ATP6V0A2: variants seen among roughly 807,000 people sequenced by gnomAD.
The protein encoded by ATP6V0A2 is V-type proton ATPase 116 kDa subunit a 2.
ATP6V0A2 carries 58 observed loss-of-function variants against 104.4 expected under a neutral mutation model. The ratio of observed to expected loss-of-function variants is 0.56; its 90% CI spans 0.45 to 0.69. The LOEUF is 0.69. Among genes scored for constraint, ATP6V0A2 ranks in the 30% least tolerant of loss-of-function variants. ATP6V0A2 has a pLI of 0.00. For missense variants in ATP6V0A2, 938 were observed against 1,062.9 expected (o/e 0.88, Z 1.63); for synonymous variants, 376 against 397.9 (o/e 0.95, Z 0.65).
In ATP6V0A2 at chr12:123,722,494, G is replaced by C. The variant is rs747007147; in HGVS notation, c.294+46G>C. ...CTGGTTGCAGCCATTGATCTTGGGG[G>C]CTGCTTACTTACTTATTTCATGTTG... On this transcript the variant is annotated intron_variant, in intron 3 of 19. Transcript: ENST00000330342. The C allele has an allele frequency of 3.1e-5, 34 of 1,095,070 alleles. No individual in the cohort carries two copies. In the Admixed American group the frequency reaches 5.7e-4, roughly 19 times the overall value. The allele number at this position is 1,095,070 out of a possible 1,614,324, so 67.8% of individuals were successfully genotyped here.
intron 1 of ATP6V0A2, among the ~76,000 whole-genome samples, chr12:123,715,710 A>C (rs1190406710): frequency 6.6e-6 from 1 of 152,230 alleles, no homozygotes; most frequent in African/African-American, 2.4e-5. Flanking sequence ...CATGATCCCA[A>C]CGCCTAGAAA....
At chr12:123,738,649 T>G (rs1956579987) in intron 9 of ATP6V0A2, among the ~76,000 whole-genome samples, 1 of 152,248 alleles carries the variant, frequency 6.6e-6, no homozygotes, top group African/African-American at 2.4e-5. Context: ...TATCCATCTT[T>G]GCTCTTACAC....
intron 15 of ATP6V0A2, chr12:123,750,390 TCGG>T (rs1157830274): frequency 6.5e-6 from 1 of 152,868 alleles, no homozygotes. Context: ...GCCACCTTTC[TCGG>T]CATTTCAAGA....
intron 8 of ATP6V0A2, among the ~76,000 whole-genome samples, chr12:123,736,669 C>G (rs1055311330): frequency 2.0e-5 from 3 of 152,082 alleles, no homozygotes; most frequent in Admixed American, 1.3e-4. Context: ...ATGGGATGGG[C>G]GTTGGTGGCT....
rs1278173018 is a variant in ATP6V0A2 at position 123,727,906 on chromosome 12, A to G, written c.645A>G (p.Glu215=). ...TGGATGAATCCCTTGAAGACCCTGAAACAGTGAGTAAATGTCACCATCACC... is the reference window on the plus strand; with the variant it reads ...TGGATGAATCCCTTGAAGACCCTGAGACAGTGAGTAAATGTCACCATCACC... ...AELDESLEDP[E]TGEVIKWYVF... is the part of the protein sequence containing the mutation. Residue 215 remains glutamate (E), a synonymous_variant, in exon 6 of 20, where the codon GAA becomes GAG. Coordinates refer to ENST00000330342, the MANE Select transcript of ATP6V0A2 (RefSeq NM_012463.4). 1.2e-6 allele frequency: 2 copies of G among 1,614,220 alleles called. No homozygotes were observed. Among genetic ancestry groups the G allele is most frequent in the South Asian group, 1.1e-5 (1 of 91,084 alleles).
chr12:123,750,135 G>C (rs1956700769), intron 15 of ATP6V0A2: 1 of 152,244 alleles, frequency 6.6e-6, no homozygotes, highest in African/African-American at 2.4e-5. Flanking sequence ...GCTATGGACA[G>C]AAAGATCAAG....
At chr12:123,737,765 CT>C (rs1255484988) in intron 9 of ATP6V0A2, 5 of 172,258 alleles carry the variant, frequency 2.9e-5, no homozygotes, top group Non-Finnish European at 5.1e-5. Flanking sequence ...TACTTCAGTT[CT>C]GTTATTTCTT....
At chr12:123,750,619 C>A in intron 15 of ATP6V0A2, 1 of 207,422 alleles carries the variant, frequency 4.8e-6, no homozygotes, top group Non-Finnish European at 9.9e-6. Context: ...AACTATAAAT[C>A]TTCGTTTTTC....
chr12:123,737,108 C>T lies in ATP6V0A2; in HGVS notation c.875C>T (p.Ala292Val). The change falls in exon 9 of 20, where the codon GCC becomes GTC. Residue 292 changes from alanine to valine, a missense_variant. Coordinates refer to ENST00000330342, the MANE Select transcript of ATP6V0A2 (RefSeq NM_012463.4). ...TTGAGGCAAGTGCTATGTAAAGCCG[C>T]CGAGTCTGTCTACAGCCGTGTGATC... ...DYLRQVLCKA[A>V]ESVYSRVIQV... 6.2e-7 allele frequency: 1 copy of T among 1,614,204 alleles called. No individual in the cohort carries two copies. Among genetic ancestry groups the T allele is most frequent in the Non-Finnish European group, 8.5e-7 (1 of 1,180,032 alleles).
rs1414740394 is a variant in ATP6V0A2, at chr12:123,745,113, G to A, written c.1605+141G>A. ...TGCTCATTAGCCCCTGTGCATCCCA[G>A]TCCCGGACACTGGGAGGGGAGGCCA... On this transcript the variant is annotated intron_variant, in intron 13 of 19. Coordinates refer to ENST00000330342, the MANE Select transcript of ATP6V0A2 (RefSeq NM_012463.4). The A allele has an allele frequency of 3.4e-6, 3 of 885,336 alleles. No individual in the cohort carries two copies. The East Asian group carries it at 7.9e-5, about 23-fold the overall frequency. 54.8% of individuals were successfully genotyped at this position (885,336 alleles called of 1,614,324 possible).
Position 123,748,776 on chromosome 12 carries a change from C to T in ATP6V0A2, c.1926C>T (p.Tyr642=), listed in dbSNP as rs1593915216. Residue 642 remains tyrosine (Y), a synonymous_variant, in exon 15 of 20, where the codon TAC becomes TAT. Coordinates refer to ENST00000330342, the MANE Select transcript of ATP6V0A2 (RefSeq NM_012463.4). ...LFPASKTSGL[Y]TGQEYVQRVL... is the part of the protein sequence containing the mutation. ...CAGCCAGTAAAACAAGTGGCCTTTACACAGGGCAGGTGAGTCATCTTCCCA... is the reference window on the plus strand; with the variant it reads ...CAGCCAGTAAAACAAGTGGCCTTTATACAGGGCAGGTGAGTCATCTTCCCA... 2 of 1,613,848 alleles carry T rather than the reference C, an allele frequency of 1.2e-6. No homozygotes were observed. The highest frequency in any genetic ancestry group is 1.7e-6 in the Non-Finnish European group (2 of 1,179,790).
chr12:123,751,950 C>T lies in ATP6V0A2; in HGVS notation c.2056-333C>T, dbSNP rs7309294. Among the ~76,000 whole-genome samples, 149,129 of 150,284 alleles carry T rather than the reference C, an allele frequency of 0.99. 73,997 individuals are homozygous for T. The highest frequency in any genetic ancestry group is 1 in the Middle Eastern group (294 of 294). The stretch of plus-strand genomic sequence containing the variant: ...ATCTCAGCTTACTGCAACCTCTGCC[C>T]TCCGGGTTCAAGCAATTCTCTTGCC... On this transcript the variant is annotated intron_variant, in intron 16 of 19. Transcript: ENST00000330342.
At chr12:123,746,639 TAAA>T (rs760374381) in intron 13 of ATP6V0A2, among the ~76,000 whole-genome samples, 5 of 83,598 alleles carry the variant, frequency 6.0e-5, no homozygotes, top group African/African-American at 9.9e-5. Context: ...CCCCTTACCT[TAAA>T]AAAAAAAAAA....
At position 123,757,981 on chromosome 12, in the gene ATP6V0A2, C is replaced by G; in HGVS notation, c.2520C>G (p.Phe840Leu). The change falls in exon 20 of 20, where the codon TTC becomes TTG. Residue 840 changes from phenylalanine (F) to leucine (L), a missense_variant. Transcript: ENST00000330342. ...YVGAGTKFVP[F>L]SFSLLSSKFN... ...GTGCAGGCACCAAATTTGTTCCTTT[C>G]TCATTCAGTCTACTTTCATCAAAGT... The G allele has an allele frequency of 1.9e-6, 3 of 1,611,112 alleles. No homozygotes were observed. Among genetic ancestry groups the G allele is most frequent in the Non-Finnish European group, 2.5e-6 (3 of 1,179,454 alleles).
chr12:123,729,023 C>T (rs371540276), intron 6 of ATP6V0A2, among the ~76,000 whole-genome samples: 8 of 152,220 alleles, frequency 5.3e-5, no homozygotes, highest in African/African-American at 1.9e-4. Context: ...CTTTAGACTT[C>T]GCTGTGAAGT....
intron 1 of ATP6V0A2, among the ~76,000 whole-genome samples, chr12:123,714,384 A>G (rs1208202121): frequency 6.6e-6 from 1 of 152,070 alleles, no homozygotes; most frequent in Non-Finnish European, 1.5e-5. Flanking sequence ...TGAGTTTCCT[A>G]CTGACTTTGT....
At position 123,759,880 on chromosome 12, in the gene ATP6V0A2, AT is replaced by A. The variant is rs1404935616; in HGVS notation, c.*1849del. 6.6e-6 allele frequency: 1 copy of A among 152,216 alleles called. No individual in the cohort carries two copies. The allele number at this position is 152,216 out of a possible 1,614,324, so 9.4% of individuals were successfully genotyped here. On this transcript the variant is annotated 3_prime_UTR_variant, in exon 20 of 20. Coordinates refer to ENST00000330342, the MANE Select transcript of ATP6V0A2 (RefSeq NM_012463.4). ...TTTGTCCCTCATATTAAATTATCAAATGATGCCGATGAAATGCTTGAAAATG... is the reference window on the plus strand; with the variant it reads ...TTTGTCCCTCATATTAAATTATCAAAGATGCCGATGAAATGCTTGAAAATG...
chr12:123,717,417 G>A (rs1230503044), intron 1 of ATP6V0A2, among the ~76,000 whole-genome samples: 3 of 149,338 alleles, frequency 2.0e-5, no homozygotes, highest in Non-Finnish European at 4.4e-5. Context: ...TGTGGATATA[G>A]ACTGTAATTT....
At chr12:123,719,679 G>T (rs1277333188) in intron 2 of ATP6V0A2, among the ~76,000 whole-genome samples, 1 of 151,876 alleles carries the variant, frequency 6.6e-6, no homozygotes, top group Non-Finnish European at 1.5e-5. Flanking sequence ...AAAGCTCTCC[G>T]TGCTGCCTAC....
Sources: gnomAD v4.1 joint callset for allele counts (sites outside exome capture counted in the v4.1 genomes callset) on GRCh38, gnomAD v4.1.1 for gene constraint, MANE v1.5 for transcripts, NCBI Gene and HGNC (gene_info 2026-07-23, HGNC 2026-07-21) for gene names.